Variants in DSCAML1 observed in about 807,000 individuals in gnomAD.
The protein encoded by DSCAML1 is DS cell adhesion molecule like 1, also known as cell adhesion molecule DSCAML1.
In DSCAML1, 38 loss-of-function variants were observed where a neutral mutation model predicts 200.5. The ratio of observed to expected loss-of-function variants is 0.19; its 90% CI spans 0.15 to 0.25. DSCAML1 has a LOEUF of 0.25. Among genes scored for constraint, DSCAML1 ranks in the 10% least tolerant of loss-of-function variants. The pLI is 1.00. For synonymous variants in DSCAML1, 1,215 were observed against 1,165.0 expected, an observed-to-expected ratio of 1.04 and a Z score of -0.87; for missense variants, 2,223 against 2,858.8, an observed-to-expected ratio of 0.78 and a Z score of 5.07.
intron 3 of DSCAML1, among the ~76,000 whole-genome samples, chr11:117,617,492 C>T (rs940787547): frequency 2.6e-5 from 4 of 152,172 alleles, no homozygotes; most frequent in Admixed American, 6.5e-5. Context: ...GGGATGCCTG[C>T]GATATTTTAT....
intron 3 of DSCAML1, among the ~76,000 whole-genome samples, chr11:117,650,092 T>C (rs1471459827): frequency 6.6e-6 from 1 of 152,216 alleles, no homozygotes; most frequent in African/African-American, 2.4e-5. Flanking sequence ...GGACTAGAGC[T>C]GTGGTCCCCA....
At chr11:117,804,884 T>C (rs1050508320) in intron 1 of DSCAML1, among the ~76,000 whole-genome samples, 1 of 152,160 alleles carries the variant, frequency 6.6e-6, no homozygotes, top group Non-Finnish European at 1.5e-5. Context: ...TGAGCTGTGA[T>C]TGTACCACTG....
intron 3 of DSCAML1, among the ~76,000 whole-genome samples, chr11:117,653,101 C>T (rs1304427213): frequency 6.6e-6 from 1 of 152,144 alleles, no homozygotes; most frequent in East Asian, 1.9e-4. Context: ...CAACTTAGGA[C>T]AAGCAGCACA....
At chr11:117,449,437 C>T (rs1247118025) in intron 20 of DSCAML1, among the ~76,000 whole-genome samples, 1 of 152,068 alleles carries the variant, frequency 6.6e-6, no homozygotes, top group African/African-American at 2.4e-5. Context: ...GGGAGCTGGG[C>T]CACCTACCAC....
chr11:117,661,481 T>TACAAACATCAAGTTACATTTGC (rs2052849407), intron 3 of DSCAML1, among the ~76,000 whole-genome samples: 1 of 152,198 alleles, frequency 6.6e-6, no homozygotes, highest in Admixed American at 6.5e-5. Flanking sequence ...TATGGCTCAT[T>TACAAACATCAAGTTACATTTGC]ACAAACATCA....
chr11:117,571,331 A>C (rs959835881), intron 3 of DSCAML1, among the ~76,000 whole-genome samples: 1 of 152,206 alleles, frequency 6.6e-6, no homozygotes, highest in African/African-American at 2.4e-5. Context: ...AGAGGTAGGT[A>C]TTACTGTGCC....
intron 3 of DSCAML1, among the ~76,000 whole-genome samples, chr11:117,554,162 G>A (rs1329462931): frequency 6.6e-6 from 1 of 152,126 alleles, no homozygotes; most frequent in East Asian, 1.9e-4. Context: ...GAGGGGGAAT[G>A]GGGAGCTATT....
intron 29 of DSCAML1, 80 bp downstream of exon 29, chr11:117,433,058 G>A: frequency 8.0e-7 from 1 of 1,247,786 alleles, no homozygotes; most frequent in Non-Finnish European, 1.2e-6. Flanking sequence ...TGCCATGAGG[G>A]TTGGTGTTTG....
chr11:117,703,641 C>T (rs950577570), intron 3 of DSCAML1, among the ~76,000 whole-genome samples: 6 of 152,232 alleles, frequency 3.9e-5, no homozygotes, highest in Admixed American at 3.9e-4. Context: ...ATCAAGGTAT[C>T]CCCTTCACTT....
At chr11:117,440,442 G>C in intron 21 of DSCAML1, among the ~76,000 whole-genome samples, 1 of 152,156 alleles carries the variant, frequency 6.6e-6, no homozygotes, top group Non-Finnish European at 1.5e-5. Flanking sequence ...AGAGGGAATA[G>C]CACTAAGCAC....
intron 3 of DSCAML1, among the ~76,000 whole-genome samples, chr11:117,577,628 G>A (rs1361967855): frequency 2.7e-5 from 4 of 147,194 alleles, no homozygotes; most frequent in African/African-American, 1.0e-4. Context: ...GTGCAGTGGT[G>A]CAATCTCGTT....
At chr11:117,667,095 A>T (rs908827644) in intron 3 of DSCAML1, among the ~76,000 whole-genome samples, 1 of 152,122 alleles carries the variant, frequency 6.6e-6, no homozygotes, top group African/African-American at 2.4e-5. Flanking sequence ...CAGGTGGGAC[A>T]AGGAGCCTGC....
intron 3 of DSCAML1, among the ~76,000 whole-genome samples, chr11:117,612,185 G>C (rs2051708913): frequency 6.6e-6 from 1 of 152,194 alleles, no homozygotes; most frequent in Non-Finnish European, 1.5e-5. Flanking sequence ...AGGCCCACTT[G>C]GCTTATTAGA....
At chr11:117,765,180 C>T (rs1187101389) in intron 3 of DSCAML1, among the ~76,000 whole-genome samples, 1 of 152,234 alleles carries the variant, frequency 6.6e-6, no homozygotes, top group Non-Finnish European at 1.5e-5. Context: ...AGGGCCCCTC[C>T]TGCCCTCCAT....
chr11:117,502,569 T>G (rs2049416518), intron 11 of DSCAML1, among the ~76,000 whole-genome samples: 1 of 152,196 alleles, frequency 6.6e-6, no homozygotes, highest in African/African-American at 2.4e-5. Context: ...GGGGCTTCCC[T>G]GTCTTATGCT....
chr11:117,610,288 A>G (rs530647690), intron 3 of DSCAML1, among the ~76,000 whole-genome samples: 3 of 152,226 alleles, frequency 2.0e-5, no homozygotes, highest in African/African-American at 7.2e-5. Flanking sequence ...TGCGGCTACA[A>G]CTATATTTTC....
rs77195238 is a variant in DSCAML1 at position 117,616,783 on chromosome 11, C to T, written c.512-84261G>A. 1.8e-4 allele frequency among the ~76,000 whole-genome samples: 28 copies of T among 152,174 alleles called. No individual in the cohort carries two copies. In the East Asian group the frequency reaches 4.2e-3, roughly 23 times the overall value. The stretch of plus-strand genomic sequence containing the variant: ...TCAATAAGCTGTATAAGATCTGTGT[C>T]CTTTGACATGTATATTAAAACATTT... On this transcript the variant is annotated intron_variant, in intron 3 of 32. Coordinates refer to ENST00000651296, the MANE Select transcript of DSCAML1 (RefSeq NM_020693.4).
At chr11:117,731,493 C>A (rs2054218836) in intron 3 of DSCAML1, among the ~76,000 whole-genome samples, 1 of 152,180 alleles carries the variant, frequency 6.6e-6, no homozygotes, top group Admixed American at 6.5e-5. Flanking sequence ...ACCTGCCAGC[C>A]ATAGATCACA....
chr11:117,774,781 CA>C (rs2055102810), intron 3 of DSCAML1, among the ~76,000 whole-genome samples: 1 of 152,164 alleles, frequency 6.6e-6, no homozygotes, highest in Non-Finnish European at 1.5e-5. Context: ...GTTGAAAAAA[CA>C]GACTCTGGTT....
Sources: gnomAD v4.1 joint callset for allele counts (sites outside exome capture counted in the v4.1 genomes callset) on GRCh38, gnomAD v4.1.1 for gene constraint, MANE v1.5 for transcripts, NCBI Gene and HGNC (gene_info 2026-07-23, HGNC 2026-07-21) for gene names.